NDUFAF6: variants seen among roughly 807,000 people sequenced by gnomAD.
NDUFAF6 encodes the protein NADH:ubiquinone oxidoreductase complex assembly factor 6.
Under a neutral mutation model 40.8 loss-of-function variants are expected in NDUFAF6, and 45 were observed. The observed-to-expected ratio is 1.10, with a 90% CI of 0.87 to 1.42. The LOEUF (loss-of-function observed/expected upper bound fraction) is 1.42. Ranked by LOEUF, NDUFAF6 falls within the 40% of genes most tolerant of loss-of-function variation. The pLI, the probability that NDUFAF6 is intolerant of heterozygous loss-of-function variation, is 0.00. For synonymous variants in NDUFAF6, 185 were observed against 155.9 expected, an observed-to-expected ratio of 1.19 and a Z score of -1.39; for missense variants, 435 against 418.5, an observed-to-expected ratio of 1.04 and a Z score of -0.34.
At chr8:94,939,637 A>T (rs1334298187) in intron 1 of NDUFAF6, 1 of 553,826 alleles carries the variant, frequency 1.8e-6, no homozygotes, top group Admixed American at 3.0e-5. Context: ...AGCTTAAGTG[A>T]TCTGCCTGCC....
At chr8:95,094,133 G>C (rs533381644) in intron 2 of NDUFAF6, among the ~76,000 whole-genome samples, 3 of 152,180 alleles carry the variant, frequency 2.0e-5, no homozygotes, top group Admixed American at 6.5e-5. Flanking sequence ...ACCACGCTTG[G>C]CTAATTTTTT....
downstream of NDUFAF6, chr8:95,078,660 A>ATATATATATATATAT (rs542717810): frequency 6.8e-5 from 4 of 58,576 alleles, no homozygotes; most frequent in African/African-American, 1.6e-4. Flanking sequence ...AAAAAAAAAA[A>ATATATATATATATAT]AAATATATAT....
chr8:95,029,596 A>G (rs557298696), intron 1 of NDUFAF6, among the ~76,000 whole-genome samples: 52 of 152,356 alleles, frequency 3.4e-4, no homozygotes, highest in Non-Finnish European at 6.6e-4. Context: ...CATACATCCA[A>G]AATCATGTGC....
At chr8:95,114,930 C>T (rs868537333) in intron 4 of NDUFAF6, among the ~76,000 whole-genome samples, 28 of 152,168 alleles carry the variant, frequency 1.8e-4, no homozygotes, top group Middle Eastern at 3.4e-3. Context: ...GGCGTGGTGG[C>T]AGGTGTTTGT....
chr8:94,907,520 A>T (rs1014946604), intron 1 of NDUFAF6, among the ~76,000 whole-genome samples: 1 of 152,240 alleles, frequency 6.6e-6, no homozygotes, highest in Admixed American at 6.5e-5. Flanking sequence ...CTAAAGCCAT[A>T]ACAGTTTACC....
chr8:95,055,456 TAAA>T (rs1395704078), intron 8 of NDUFAF6: 2 of 152,266 alleles, frequency 1.3e-5, no homozygotes, highest in South Asian at 2.1e-4. Context: ...TTTGAATCAT[TAAA>T]AAAAGTATAA....
upstream of NDUFAF6, among the ~76,000 whole-genome samples, chr8:95,098,987 T>A (rs1355341757): frequency 1.3e-5 from 2 of 152,032 alleles, no homozygotes; most frequent in East Asian, 3.9e-4. Context: ...ACGCCTGTAA[T>A]CCCAGCACTT....
chr8:94,935,975 T>C (rs186285679), intron 1 of NDUFAF6, among the ~76,000 whole-genome samples: 172 of 152,210 alleles, frequency 1.1e-3, no homozygotes, highest in South Asian at 2.7e-3. Context: ...CCAGGCCCAA[T>C]GGTGTATAGT....
chr8:95,078,950 T>TGG (rs1409399204), downstream of NDUFAF6, among the ~76,000 whole-genome samples: 14 of 152,130 alleles, frequency 9.2e-5, no homozygotes, highest in Non-Finnish European at 1.9e-4. Flanking sequence ...ACAGTTTGTC[T>TGG]ACTCACCTAT....
At chr8:95,036,457 C>G (rs1007431018) in intron 3 of NDUFAF6, 32 of 1,289,304 alleles carry the variant, frequency 2.5e-5, no homozygotes, top group Non-Finnish European at 3.0e-5. Context: ...CCAGAACCCC[C>G]CAACTGGGGA....
intron 7 of NDUFAF6, among the ~76,000 whole-genome samples, chr8:95,051,863 T>G (rs949287340): frequency 8.5e-5 from 13 of 152,174 alleles, no homozygotes; most frequent in Non-Finnish European, 2.9e-5. Flanking sequence ...TGCACAGGAC[T>G]TGGTAATGCA....
intron 2 of NDUFAF6, among the ~76,000 whole-genome samples, chr8:94,991,806 C>G (rs944267512): frequency 4.4e-5 from 6 of 137,124 alleles, no homozygotes; most frequent in South Asian, 5.3e-4. Flanking sequence ...GCCCCCCCCC[C>G]CTTTTTTTTT....
intron 1 of NDUFAF6, chr8:94,975,434 G>A (rs1824838073): frequency 6.6e-6 from 1 of 152,282 alleles, no homozygotes; most frequent in Non-Finnish European, 1.5e-5. Flanking sequence ...CCCATGCTGG[G>A]AGTCGGAATC....
intron 2 of NDUFAF6, among the ~76,000 whole-genome samples, chr8:95,082,218 T>A (rs1037009505): frequency 1.3e-5 from 2 of 152,138 alleles, no homozygotes; most frequent in Non-Finnish European, 2.9e-5. Context: ...GGCTTATGCC[T>A]GTAATCCCAG....
chr8:95,055,474 A>G (rs1030600269), intron 8 of NDUFAF6, among the ~76,000 whole-genome samples: 2 of 152,208 alleles, frequency 1.3e-5, no homozygotes, highest in African/African-American at 2.4e-5. Flanking sequence ...GTATAAATAT[A>G]ACACTTAATA....
chr8:94,947,391 T>C (rs1822116920), intron 2 of NDUFAF6, among the ~76,000 whole-genome samples: 3 of 152,172 alleles, frequency 2.0e-5, no homozygotes, highest in Admixed American at 6.5e-5. Context: ...CGTACCGTCA[T>C]TGAAAAGCAG....
At chr8:94,909,967 G>A (rs886245896) in intron 1 of NDUFAF6, among the ~76,000 whole-genome samples, 4 of 151,900 alleles carry the variant, frequency 2.6e-5, no homozygotes, top group African/African-American at 9.7e-5. Flanking sequence ...CTGCATCAGA[G>A]GCCCCTGAAA....
intron 4 of NDUFAF6, among the ~76,000 whole-genome samples, chr8:95,044,199 A>G (rs1369926163): frequency 6.6e-6 from 1 of 152,154 alleles, no homozygotes; most frequent in Non-Finnish European, 1.5e-5. Context: ...TGAAAAGTAG[A>G]TTAGTGGTTT....
At chr8:95,096,567 AT>A, upstream of NDUFAF6, among the ~76,000 whole-genome samples, 1 of 152,220 alleles carries the variant, frequency 6.6e-6, no homozygotes, top group Admixed American at 6.5e-5. Context: ...TGAGGTTAGT[AT>A]CATTCTTCTC....
Sources: gnomAD v4.1 joint callset for allele counts (sites outside exome capture counted in the v4.1 genomes callset) on GRCh38, gnomAD v4.1.1 for gene constraint, MANE v1.5 for transcripts, NCBI Gene and HGNC (gene_info 2026-07-23, HGNC 2026-07-21) for gene names.